CLRN1: variants seen among roughly 807,000 people sequenced by gnomAD.
CLRN1 encodes the protein clarin 1, also known as clarin-1.
In CLRN1, 15 loss-of-function variants were observed where a neutral mutation model predicts 18.7. The observed-to-expected ratio is 0.80, with a 90% CI of 0.54 to 1.23. The LOEUF is 1.23. Ranked by LOEUF, CLRN1 falls within the 50% of genes most tolerant of loss-of-function variation. The pLI is 0.00. For synonymous variants in CLRN1, 104 were observed against 102.9 expected (o/e 1.01, Z -0.07); for missense variants, 311 against 277.5 (o/e 1.12, Z -0.86).
chr3:150,946,704 C>CTTTTTTTTTTT (rs34471891), intron 1 of CLRN1, among the ~76,000 whole-genome samples: 1 of 110,710 alleles, frequency 9.0e-6, no homozygotes, highest in Non-Finnish European at 1.9e-5. Context: ...CAGACCATTT[C>CTTTTTTTTTTT]TTTTTTTTTT....
intron 1 of CLRN1, among the ~76,000 whole-genome samples, chr3:150,958,555 G>A (rs1310483704): frequency 6.6e-6 from 1 of 152,128 alleles, no homozygotes; most frequent in Non-Finnish European, 1.5e-5. Context: ...ACACTCTCAC[G>A]CATCGTCTGT....
At chr3:150,958,585 C>A (rs534474113) in intron 1 of CLRN1, among the ~76,000 whole-genome samples, 1 of 152,232 alleles carries the variant, frequency 6.6e-6, no homozygotes, top group African/African-American at 2.4e-5. Flanking sequence ...ACAATAAGTT[C>A]TTCATGCATT....
Position 150,927,629 on chromosome 3 carries a change from C to A in CLRN1, c.*307G>T, listed in dbSNP as rs886058091. ...TGATATCTTTTTGATAGGAAGACAT[C>A]TTACACACACACACACACACACACA... On this transcript the variant is annotated 3_prime_UTR_variant, in exon 3 of 3. Transcript: ENST00000327047. 5.7e-5 allele frequency: 28 copies of A among 490,134 alleles called. No homozygotes were observed. In the East Asian group the frequency reaches 1.4e-3, roughly 24 times the overall value. The allele number at this position is 490,134 out of a possible 1,614,324, so 30.4% of individuals were successfully genotyped here. A position where few individuals can be genotyped will look rare whatever the true frequency, so the allele number is the denominator to read the frequency against.
At chr3:150,957,558 A>G (rs1008312148) in intron 1 of CLRN1, among the ~76,000 whole-genome samples, 3 of 152,050 alleles carry the variant, frequency 2.0e-5, no homozygotes, top group Admixed American at 6.5e-5. Context: ...TCTATCCTCT[A>G]AGGTTTCACC....
At chr3:150,948,871 C>T (rs1235556440) in intron 1 of CLRN1, among the ~76,000 whole-genome samples, 1 of 152,138 alleles carries the variant, frequency 6.6e-6, no homozygotes, top group Non-Finnish European at 1.5e-5. Context: ...AGGCCAGCAT[C>T]ATTCTGATAC....
chr3:150,968,715 C>G (rs1484409724), intron 1 of CLRN1, among the ~76,000 whole-genome samples: 4 of 152,162 alleles, frequency 2.6e-5, no homozygotes, highest in Non-Finnish European at 5.9e-5. Context: ...AAGTGTACAG[C>G]AGAACCCAGG....
chr3:150,953,390 G>A (rs889052773), intron 1 of CLRN1, among the ~76,000 whole-genome samples: 5 of 151,604 alleles, frequency 3.3e-5, no homozygotes, highest in South Asian at 2.1e-4. Flanking sequence ...AATGTGTCTC[G>A]GTCTCCTCAT....
intron 1 of CLRN1, among the ~76,000 whole-genome samples, chr3:150,946,223 T>C (rs79200170): frequency 0.1 from 15,646 of 152,228 alleles, 872 homozygotes; most frequent in Non-Finnish European, 0.12. Context: ...TATTAATAGT[T>C]ATTTAAGCAC....
At position 150,926,829 on chromosome 3, in the gene CLRN1, T is replaced by G; in HGVS notation, c.*1107A>C. 3 of 1,613,944 alleles carry G rather than the reference T, an allele frequency of 1.9e-6. No individual in the cohort carries two copies. The highest frequency in any genetic ancestry group is 2.2e-5 in the East Asian group (1 of 44,866). ...TTTCTGGAGGACAGCAGGTTGAGGA[T>G]GAAGGAAGGGTCAGTTCCAGGCTCA... On this transcript the variant is annotated 3_prime_UTR_variant, in exon 3 of 3. Transcript: ENST00000327047.
At chr3:150,950,950 T>C (rs1383681974) in intron 1 of CLRN1, among the ~76,000 whole-genome samples, 1 of 152,180 alleles carries the variant, frequency 6.6e-6, no homozygotes, top group African/African-American at 2.4e-5. Context: ...CACCATGGAA[T>C]ACTATGCAGC....
At chr3:150,938,789 T>C (rs1175879535) in intron 2 of CLRN1, among the ~76,000 whole-genome samples, 1 of 152,134 alleles carries the variant, frequency 6.6e-6, no homozygotes, top group Non-Finnish European at 1.5e-5. Context: ...ACAACAAATT[T>C]GAAGGTGGGT....
chr3:150,959,650 T>A (rs1714930517), intron 1 of CLRN1, among the ~76,000 whole-genome samples: 1 of 150,956 alleles, frequency 6.6e-6, no homozygotes, highest in Non-Finnish European at 1.5e-5. Context: ...AAAAAAAGGT[T>A]ACTGGAGGGT....
chr3:150,937,421 A>G (rs1172452089), intron 2 of CLRN1, among the ~76,000 whole-genome samples: 3 of 152,102 alleles, frequency 2.0e-5, no homozygotes, highest in Non-Finnish European at 4.4e-5. Flanking sequence ...AATTAGAATG[A>G]CTCCAGAGAG....
rs761523648 is a variant in CLRN1 at position 150,926,957 on chromosome 3, T to TGATA, written c.*975_*978dup. The TGATA allele has an allele frequency of 6.2e-7, 1 of 1,602,870 alleles. No individual in the cohort carries two copies. Among genetic ancestry groups the TGATA allele is most frequent in the Non-Finnish European group, 8.5e-7 (1 of 1,171,318 alleles). ...GGTGACAGCCAGAACAAGACCAAGA[T>TGATA]GATACAGTGATACCGTCATAATCCC... On this transcript the variant is annotated 3_prime_UTR_variant, in exon 3 of 3. Coordinates refer to ENST00000327047, the MANE Select transcript of CLRN1 (RefSeq NM_174878.3).
At chr3:150,931,899 G>T (rs1480926924) in intron 2 of CLRN1, among the ~76,000 whole-genome samples, 1 of 152,106 alleles carries the variant, frequency 6.6e-6, no homozygotes, top group South Asian at 2.1e-4. Context: ...CAGGACTGTG[G>T]AAATCCTGCC....
chr3:150,968,904 G>A (rs1011007786), intron 1 of CLRN1, among the ~76,000 whole-genome samples: 4 of 152,008 alleles, frequency 2.6e-5, no homozygotes, highest in African/African-American at 9.7e-5. Context: ...CATACTTAGG[G>A]ACCTCCTCTT....
rs78383899 is a variant in CLRN1 at position 150,965,742 on chromosome 3, G to A, written c.253+6714C>T. On this transcript the variant is annotated intron_variant, in intron 1 of 2. Coordinates refer to ENST00000327047, the MANE Select transcript of CLRN1 (RefSeq NM_174878.3). ...CTCTCCCAGGTATGCTCGGGTCAAT[G>A]ATTTTACTACTATTAGGGTGTGGGA... 4.0e-3 allele frequency among the ~76,000 whole-genome samples: 604 copies of A among 152,290 alleles called. 7 individuals carry two copies. Among genetic ancestry groups the A allele is most frequent in the African/African-American group, 0.014 (566 of 41,568 alleles).
At chr3:150,957,792 G>C (rs1363418923) in intron 1 of CLRN1, among the ~76,000 whole-genome samples, 1 of 152,240 alleles carries the variant, frequency 6.6e-6, no homozygotes, top group East Asian at 1.9e-4. Flanking sequence ...CTGAGGCTGG[G>C]ATTACAAGTG....
intron 2 of CLRN1, chr3:150,941,369 C>A: frequency 1.9e-6 from 1 of 528,740 alleles, no homozygotes; most frequent in Non-Finnish European, 3.3e-6. Flanking sequence ...TTAATGTCAG[C>A]ATCACAGTTA....
Sources: gnomAD v4.1 joint callset for allele counts (sites outside exome capture counted in the v4.1 genomes callset) on GRCh38, gnomAD v4.1.1 for gene constraint, MANE v1.5 for transcripts, NCBI Gene and HGNC (gene_info 2026-07-23, HGNC 2026-07-21) for gene names.